The following AKAP6 variants were observed in gnomAD, a reference collection of about 807,000 sequenced individuals.
The protein encoded by AKAP6 is A-kinase anchoring protein 6.
Under a neutral mutation model 188.5 loss-of-function variants are expected in AKAP6, and 58 were observed. The observed-to-expected ratio is 0.31, with a 90% CI of 0.25 to 0.38. The LOEUF is 0.38. Among genes scored for constraint, AKAP6 ranks in the 10% least tolerant of loss-of-function variants. AKAP6 has a pLI of 1.00. For missense variants in AKAP6, 2,710 were observed against 2,740.0 expected (o/e 0.99, Z 0.24); for synonymous variants, 989 against 998.6 (o/e 0.99, Z 0.18).
At chr14:32,765,825 GAC>G (rs2139963963) in intron 11 of AKAP6, among the ~76,000 whole-genome samples, 1 of 152,038 alleles carries the variant, frequency 6.6e-6, no homozygotes, top group Non-Finnish European at 1.5e-5. Context: ...TCTGTTGTAT[GAC>G]ACACCCTAGC....
chr14:32,530,180 C>G (rs1265773722), intron 2 of AKAP6, among the ~76,000 whole-genome samples: 1 of 151,850 alleles, frequency 6.6e-6, no homozygotes, highest in East Asian at 1.9e-4. Context: ...GTGTGTGCCA[C>G]CACACTTGAC....
intron 7 of AKAP6, among the ~76,000 whole-genome samples, chr14:32,615,816 G>T (rs552531157): frequency 1.3e-5 from 2 of 151,952 alleles, no homozygotes; most frequent in East Asian, 3.9e-4. Context: ...GGATGGTCTC[G>T]ATCTCCTGAC....
chr14:32,737,839 A>G (rs532398933), intron 11 of AKAP6, among the ~76,000 whole-genome samples: 2 of 152,322 alleles, frequency 1.3e-5, no homozygotes, highest in African/African-American at 4.8e-5. Context: ...GAAAACCCAT[A>G]GCTTTGTAGA....
At position 32,740,238 on chromosome 14, in the gene AKAP6, A is replaced by G. The variant is rs534931046; in HGVS notation, c.3372+4356A>G. On this transcript the variant is annotated intron_variant, in intron 11 of 13. Coordinates refer to ENST00000280979, the MANE Select transcript of AKAP6 (RefSeq NM_004274.5). ...GATCATATTATTAGATTTTTTCCCT[A>G]TACAGTTGTTTGAGCTCCTTGTATA... is the stretch of plus-strand genomic sequence containing the variant. 3.9e-5 allele frequency among the ~76,000 whole-genome samples: 6 copies of G among 151,910 alleles called. No individual in the cohort carries two copies. The East Asian group carries it at 1.2e-3, about 29-fold the overall frequency.
intron 1 of AKAP6, among the ~76,000 whole-genome samples, chr14:32,388,009 A>G (rs571628097): frequency 6.6e-6 from 1 of 151,940 alleles, no homozygotes; most frequent in South Asian, 2.1e-4. Flanking sequence ...TTAAATTACC[A>G]TTTCAATCTC....
At chr14:32,573,792 G>A (rs1209731082) in intron 4 of AKAP6, among the ~76,000 whole-genome samples, 1 of 152,078 alleles carries the variant, frequency 6.6e-6, no homozygotes, top group Non-Finnish European at 1.5e-5. Flanking sequence ...AAAGATGCCA[G>A]CAGAGCTTCT....
intron 9 of AKAP6, among the ~76,000 whole-genome samples, chr14:32,699,265 C>G (rs934203380): frequency 6.6e-6 from 1 of 152,140 alleles, no homozygotes; most frequent in African/African-American, 2.4e-5. Context: ...TACAGAAACC[C>G]TAGACTATCC....
rs139624075 is a variant in AKAP6, at chr14:32,660,162, A to G, written c.2731-18149A>G. 6.8e-3 allele frequency among the ~76,000 whole-genome samples: 1,037 copies of G among 152,258 alleles called. 8 individuals are homozygous for G. Among genetic ancestry groups the G allele is most frequent in the Middle Eastern group, 0.027 (8 of 294 alleles). ...GGTTTAGATTTGGTAGTGAGAGCTCACATATTTCATGTCACACCGGTTTAA... is the reference window on the plus strand; with the variant it reads ...GGTTTAGATTTGGTAGTGAGAGCTCGCATATTTCATGTCACACCGGTTTAA... On this transcript the variant is annotated intron_variant, in intron 7 of 13. Transcript: ENST00000280979.
chr14:32,773,117 A>G (rs1342262950), intron 11 of AKAP6, among the ~76,000 whole-genome samples: 3 of 152,186 alleles, frequency 2.0e-5, no homozygotes, highest in African/African-American at 7.2e-5. Context: ...CGCTTTCAGA[A>G]CATTATTGCT....
At chr14:32,611,132 G>T (rs1243317906) in intron 7 of AKAP6, among the ~76,000 whole-genome samples, 4 of 152,098 alleles carry the variant, frequency 2.6e-5, no homozygotes, top group Non-Finnish European at 5.9e-5. Context: ...AATAGGATTT[G>T]GTATCTAGGG....
At chr14:32,411,685 C>T (rs902416941) in intron 1 of AKAP6, among the ~76,000 whole-genome samples, 4 of 152,082 alleles carry the variant, frequency 2.6e-5, no homozygotes, top group African/African-American at 4.8e-5. Context: ...TCTCAGTTTC[C>T]CCACTGCCAG....
In AKAP6 at chr14:32,836,917, G is replaced by C. The variant is rs7142718; in HGVS notation, c.*7112G>C. The C allele has an allele frequency of 0.4, 61,050 of 152,062 alleles. 13,308 individuals carry two copies. Among genetic ancestry groups the C allele is most frequent in the Non-Finnish European group, 0.49 (33,547 of 67,976 alleles). 9.4% of individuals were successfully genotyped at this position (152,062 alleles called of 1,614,324 possible). ...GAATTCAAAAAGCAAATGTAAAATG[G>C]AACAGAACTTGGCCTCAAAGTGATG... is the stretch of plus-strand genomic sequence containing the variant. On this transcript the variant is annotated 3_prime_UTR_variant, in exon 14 of 14. Transcript: ENST00000280979.
chr14:32,676,980 T>C (rs1240676015), intron 7 of AKAP6, among the ~76,000 whole-genome samples: 1 of 152,090 alleles, frequency 6.6e-6, no homozygotes, highest in Non-Finnish European at 1.5e-5. Context: ...ACTACAGGCA[T>C]GCGCCCGGGT....
chr14:32,368,206 C>G (rs1211752888), intron 1 of AKAP6, among the ~76,000 whole-genome samples: 2 of 152,158 alleles, frequency 1.3e-5, no homozygotes, highest in African/African-American at 4.8e-5. Context: ...GTACCTAGAA[C>G]TGAACATAAT....
At chr14:32,581,937 A>G (rs1419147441) in intron 5 of AKAP6, among the ~76,000 whole-genome samples, 1 of 152,160 alleles carries the variant, frequency 6.6e-6, no homozygotes, top group Non-Finnish European at 1.5e-5. Context: ...ATGGGTCTTG[A>G]CACTTTATCC....
chr14:32,457,529 AT>A (rs1435070661), intron 2 of AKAP6, among the ~76,000 whole-genome samples: 3 of 152,192 alleles, frequency 2.0e-5, no homozygotes, highest in African/African-American at 4.8e-5. Flanking sequence ...CTAAAAAAAA[AT>A]CTTAACCTTC....
chr14:32,537,639 CTTTCTACTA>C (rs1252575250), intron 3 of AKAP6, among the ~76,000 whole-genome samples: 1 of 152,182 alleles, frequency 6.6e-6, no homozygotes, highest in East Asian at 1.9e-4. Context: ...AATCTGCCTG[CTTTCTACTA>C]CTAGAAGGAG....
rs150059727 is a variant in AKAP6 at position 32,433,509 on chromosome 14, G to A, written c.16G>A (p.Val6Met). 4.2e-5 allele frequency: 67 copies of A among 1,613,888 alleles called. No homozygotes were observed. The highest frequency in any genetic ancestry group is 3.7e-4 in the African/African-American group (28 of 74,900). Residue 6 changes from valine to methionine, a missense_variant, in exon 2 of 14, where the codon GTG (valine) becomes ATG (methionine). This residue lies in a region of AKAP6 where 237 missense variants were observed against 313.9 expected (regional missense o/e 0.76). Coordinates refer to ENST00000280979, the MANE Select transcript of AKAP6 (RefSeq NM_004274.5). MLTMS[V>M]TLSPLRSQDL... ...AGACTTCTCCATGTTAACCATGAGC[G>A]TGACACTTTCCCCCCTGAGGTCACA...
At chr14:32,725,470 A>G (rs557262080) in intron 9 of AKAP6, among the ~76,000 whole-genome samples, 1 of 152,120 alleles carries the variant, frequency 6.6e-6, no homozygotes, top group South Asian at 2.1e-4. Context: ...TTTCTTTTTC[A>G]CTATCCTCCT....
Sources: allele counts gnomAD v4.1 joint callset (sites outside exome capture counted in the v4.1 genomes callset), GRCh38; gene constraint gnomAD v4.1.1; regional missense constraint gnomAD v4.1.1; transcripts MANE v1.5; gene names NCBI Gene and HGNC (gene_info 2026-07-23, HGNC 2026-07-21).